CD99L2: variants seen among roughly 807,000 people sequenced by gnomAD.
The protein encoded by CD99L2 is CD99 molecule like 2.
CD99L2 carries 24 observed loss-of-function variants against 27.3 expected under a neutral mutation model. The ratio of observed to expected loss-of-function variants is 0.88; its 90% CI spans 0.64 to 1.24. The LOEUF is 1.24. Among genes scored for constraint, CD99L2 ranks in the 50% most tolerant of loss-of-function variants. CD99L2 has a pLI of 0.00. For synonymous variants in CD99L2, 97 were observed against 87.9 expected (o/e 1.10, Z -0.58); for missense variants, 255 against 221.6 (o/e 1.15, Z -0.96).
chrX:150,796,432 C>G (rs1267020586), intron 4 of CD99L2, among the ~76,000 whole-genome samples: 1 of 112,426 alleles, frequency 8.9e-6, no homozygotes, highest in African/African-American at 3.2e-5. Context: ...ATAAAAGGAT[C>G]AATCCACCAG....
At position 150,821,716 on chromosome X, in the gene CD99L2, C is replaced by T. The variant is rs183738080; in HGVS notation, c.131-5638G>A. Among the ~76,000 whole-genome samples the T allele has an allele frequency of 8.5e-4, 95 of 111,986 alleles. 1 individual carries two copies. The Admixed American group carries it at 8.5e-3, about 10-fold the overall frequency. ...GGACATTATCAAGAAAGTGAAAAGA[C>T]AATCTACAAAATAGGAGAAAATTTG... On this transcript the variant is annotated intron_variant, in intron 2 of 10. Coordinates refer to ENST00000370377, the MANE Select transcript of CD99L2 (RefSeq NM_031462.4).
At chrX:150,778,471 G>T (rs1340290984) in intron 7 of CD99L2, among the ~76,000 whole-genome samples, 4 of 94,501 alleles carry the variant, frequency 4.2e-5, no homozygotes, top group East Asian at 3.6e-4. Context: ...GGGTGGGGGG[G>T]TATTGATAGT....
chrX:150,862,227 A>G (rs1354676018), intron 1 of CD99L2, among the ~76,000 whole-genome samples: 2 of 112,300 alleles, frequency 1.8e-5, no homozygotes, highest in African/African-American at 6.5e-5. Context: ...TCTCAAGGAC[A>G]TTCCCATTCT....
chrX:150,801,386 T>A (rs782500387), intron 4 of CD99L2, among the ~76,000 whole-genome samples: 25 of 112,019 alleles, frequency 2.2e-4, no homozygotes, highest in Non-Finnish European at 4.1e-4. Flanking sequence ...GAGATTGGCA[T>A]CTTCTTCACT....
intron 4 of CD99L2, among the ~76,000 whole-genome samples, chrX:150,807,651 T>C (rs1295659896): frequency 8.9e-6 from 1 of 112,478 alleles, no homozygotes; most frequent in African/African-American, 3.2e-5. Flanking sequence ...ATATAAAAAA[T>C]ACCCAGTGGT....
intron 7 of CD99L2, among the ~76,000 whole-genome samples, chrX:150,787,612 G>A (rs1451124829): frequency 1.8e-5 from 2 of 108,854 alleles, no homozygotes; most frequent in African/African-American, 6.7e-5. Context: ...GGATAAAGTT[G>A]GAAACCATCA....
chrX:150,841,325 A>G (rs1433852382), intron 1 of CD99L2, among the ~76,000 whole-genome samples: 1 of 112,643 alleles, frequency 8.9e-6, no homozygotes, highest in Non-Finnish European at 1.9e-5. Context: ...CCATATCTAT[A>G]TCCATAAACA....
At chrX:150,794,777 G>A (rs1408674284) in intron 6 of CD99L2, among the ~76,000 whole-genome samples, 6 of 111,719 alleles carry the variant, frequency 5.4e-5, no homozygotes, top group African/African-American at 9.8e-5. Context: ...AACATCTCAC[G>A]ATGGAATAAA....
At chrX:150,850,941 G>T (rs1438532083) in intron 1 of CD99L2, among the ~76,000 whole-genome samples, 1 of 111,472 alleles carries the variant, frequency 9.0e-6, no homozygotes, top group East Asian at 2.8e-4. Flanking sequence ...GGGTTCAAGT[G>T]ATTCTCCTGC....
chrX:150,807,720 C>A (rs1237963940), intron 4 of CD99L2, among the ~76,000 whole-genome samples: 1 of 112,160 alleles, frequency 8.9e-6, no homozygotes, highest in East Asian at 2.8e-4. Flanking sequence ...CTGCTCTGTA[C>A]CTTTTCAGAT....
intron 4 of CD99L2, among the ~76,000 whole-genome samples, chrX:150,803,130 G>A (rs1017099733): frequency 2.7e-5 from 3 of 109,227 alleles, no homozygotes; most frequent in Admixed American, 9.8e-5. Flanking sequence ...TCCTGACCTC[G>A]TGATCTGCCC....
At chrX:150,771,392 G>A (rs1353774464) in intron 9 of CD99L2, among the ~76,000 whole-genome samples, 1 of 112,648 alleles carries the variant, frequency 8.9e-6, no homozygotes, top group East Asian at 2.8e-4. Flanking sequence ...GAGTGCAGTG[G>A]AAGCTGCCCC....
At chrX:150,835,867 C>T (rs782105044) in intron 1 of CD99L2, among the ~76,000 whole-genome samples, 1 of 111,520 alleles carries the variant, frequency 9.0e-6, no homozygotes, top group African/African-American at 3.3e-5. Flanking sequence ...TCATTGGAGC[C>T]CACAGCTCCA....
chrX:150,897,469 G>C (rs1306781356), intron 1 of CD99L2, among the ~76,000 whole-genome samples: 1 of 111,805 alleles, frequency 8.9e-6, no homozygotes, highest in Non-Finnish European at 1.9e-5. Context: ...ACCATCCACT[G>C]TTTTCCAGTG....
chrX:150,779,113 G>A (rs782197339), intron 7 of CD99L2, among the ~76,000 whole-genome samples: 14 of 112,221 alleles, frequency 1.2e-4, no homozygotes, highest in Middle Eastern at 4.6e-3. Flanking sequence ...TCCCTTAGGA[G>A]TACTTGGCCA....
At position 150,856,794 on chromosome X, in the gene CD99L2, G is replaced by T. The variant is rs185723148; in HGVS notation, c.68-25501C>A. Among the ~76,000 whole-genome samples the T allele has an allele frequency of 8.2e-5, 9 of 110,081 alleles. No individual in the cohort carries two copies. The East Asian group carries it at 2.3e-3, about 28-fold the overall frequency. On this transcript the variant is annotated intron_variant, in intron 1 of 10. Coordinates refer to ENST00000370377, the MANE Select transcript of CD99L2 (RefSeq NM_031462.4). Reference sequence around the variant, plus strand: ...AGAAATTCATGAAATCCCAGAAAAAGAATTCAAATCATTGATTCTAAAGAA... The same window carrying T: ...AGAAATTCATGAAATCCCAGAAAAATAATTCAAATCATTGATTCTAAAGAA...
At chrX:150,886,457 C>T (rs1257888472) in intron 1 of CD99L2, among the ~76,000 whole-genome samples, 1 of 112,510 alleles carries the variant, frequency 8.9e-6, no homozygotes, top group Admixed American at 9.4e-5. Context: ...GTATTCAGTA[C>T]AGTCACATTG....
chrX:150,775,945 A>C (rs185986426), intron 9 of CD99L2, among the ~76,000 whole-genome samples: 93 of 112,377 alleles, frequency 8.3e-4, no homozygotes, highest in Admixed American at 2.6e-3. Flanking sequence ...TGGAAGGTGA[A>C]GGTCATCAGG....
chrX:150,895,793 C>T (rs1054646511), intron 1 of CD99L2, among the ~76,000 whole-genome samples: 5 of 110,638 alleles, frequency 4.5e-5, no homozygotes, highest in South Asian at 3.8e-4. Context: ...TTTGGGAGGC[C>T]GAGGCAGGTG....
Sources: allele counts gnomAD v4.1 joint callset (sites outside exome capture counted in the v4.1 genomes callset), GRCh38; gene constraint gnomAD v4.1.1; transcripts MANE v1.5; gene names NCBI Gene and HGNC (gene_info 2026-07-23, HGNC 2026-07-21).